CPXM2: variants seen among roughly 807,000 people sequenced by gnomAD.
CPXM2 encodes inactive carboxypeptidase-like protein X2.
A neutral mutation model predicts 86.1 loss-of-function variants in CPXM2; 66 were observed. The observed-to-expected ratio is 0.77, with a 90% CI of 0.63 to 0.94. The LOEUF (loss-of-function observed/expected upper bound fraction) is 0.94. Ranked by LOEUF, CPXM2 falls within the 40% of genes least tolerant of loss-of-function variation. The pLI is 0.00. For missense variants in CPXM2, 948 were observed against 1,026.3 expected (o/e 0.92, Z 1.04); for synonymous variants, 388 against 400.2 (o/e 0.97, Z 0.36).
intron 2 of CPXM2, among the ~76,000 whole-genome samples, chr10:123,878,397 G>A (rs1228539398): frequency 2.1e-5 from 3 of 145,172 alleles, no homozygotes; most frequent in Non-Finnish European, 4.5e-5. Flanking sequence ...GGCTGCCTAT[G>A]AGACCAGTGA....
intron 2 of CPXM2, chr10:123,931,685 A>G (rs1945667404): frequency 6.6e-6 from 1 of 152,256 alleles, no homozygotes. Flanking sequence ...GGTTGTGGTT[A>G]TCAAATCTTC....
At chr10:123,886,052 G>A (rs1042268924) in intron 1 of CPXM2, among the ~76,000 whole-genome samples, 1 of 152,210 alleles carries the variant, frequency 6.6e-6, no homozygotes, top group African/African-American at 2.4e-5. Context: ...AAGCATTTTG[G>A]AAATGGAGGT....
chr10:123,941,305 C>G (rs1324460052), upstream of CPXM2, among the ~76,000 whole-genome samples: 3 of 152,244 alleles, frequency 2.0e-5, no homozygotes, highest in Non-Finnish European at 2.9e-5. Context: ...AAGCATCCTT[C>G]TTTGCTTCTT....
At chr10:123,843,616 T>C (rs1848434654) in intron 3 of CPXM2, among the ~76,000 whole-genome samples, 1 of 152,152 alleles carries the variant, frequency 6.6e-6, no homozygotes, top group African/African-American at 2.4e-5. Context: ...CCAGCCCATC[T>C]TCCCTATCTC....
At chr10:123,902,026 C>T (rs922956301) in intron 2 of CPXM2, among the ~76,000 whole-genome samples, 1 of 152,214 alleles carries the variant, frequency 6.6e-6, no homozygotes, top group Non-Finnish European at 1.5e-5. Flanking sequence ...CTGAAGTAAC[C>T]ACTGTCGCAA....
At chr10:123,937,470 A>C (rs1056743359) in intron 2 of CPXM2, among the ~76,000 whole-genome samples, 7 of 132,584 alleles carry the variant, frequency 5.3e-5, no homozygotes, top group Non-Finnish European at 3.2e-5. Flanking sequence ...ACAACAAAAC[A>C]ACACACACAC....
chr10:123,888,830 G>A (rs1409379083), intron 1 of CPXM2, among the ~76,000 whole-genome samples: 7 of 152,220 alleles, frequency 4.6e-5, no homozygotes, highest in Admixed American at 4.6e-4. Flanking sequence ...ATGGTAGCAG[G>A]TCTGCAGGCA....
At chr10:123,868,865 T>C (rs1944843496) in intron 2 of CPXM2, among the ~76,000 whole-genome samples, 1 of 152,022 alleles carries the variant, frequency 6.6e-6, no homozygotes, top group African/African-American at 2.4e-5. Context: ...GCCAAAGAAC[T>C]CCAAAAGCAT....
chr10:123,879,481 A>G (rs1489620100), intron 2 of CPXM2, among the ~76,000 whole-genome samples: 1 of 152,204 alleles, frequency 6.6e-6, no homozygotes, highest in East Asian at 1.9e-4. Context: ...GATAATAATG[A>G]TAATAATAAT....
At chr10:123,758,134 C>T (rs2133980888) in intron 11 of CPXM2, among the ~76,000 whole-genome samples, 1 of 152,286 alleles carries the variant, frequency 6.6e-6, no homozygotes, top group Admixed American at 6.5e-5. Flanking sequence ...ATGACGACAG[C>T]AGGACAGGAA....
intron 4 of CPXM2, among the ~76,000 whole-genome samples, chr10:123,802,069 G>A (rs1847470932): frequency 6.6e-6 from 1 of 152,212 alleles, no homozygotes; most frequent in Non-Finnish European, 1.5e-5. Context: ...GGCACTTGGA[G>A]GACAGAAAGG....
intron 2 of CPXM2, among the ~76,000 whole-genome samples, chr10:123,924,360 G>T (rs1949433): frequency 0.76 from 115,251 of 152,192 alleles, 43,895 homozygotes; most frequent in East Asian, 0.94. Context: ...GGGTTCCCAT[G>T]ACCCTCTCCT....
At chr10:123,826,619 T>C (rs1379392604) in intron 4 of CPXM2, among the ~76,000 whole-genome samples, 2 of 152,130 alleles carry the variant, frequency 1.3e-5, no homozygotes, top group South Asian at 4.2e-4. Flanking sequence ...TATAAAATTA[T>C]AGTCATAATT....
intron 2 of CPXM2, among the ~76,000 whole-genome samples, chr10:123,905,733 G>T (rs1945433381): frequency 6.6e-6 from 1 of 152,046 alleles, no homozygotes; most frequent in African/African-American, 2.4e-5. Context: ...CATCCTGGGG[G>T]TCCCCTCCCA....
rs898232252 is a variant in CPXM2 at position 123,891,788 on chromosome 10, G to A, written c.-129C>T. On this transcript the variant is annotated 5_prime_UTR_variant, in exon 1 of 14. Transcript: ENST00000241305. The surrounding 1 kb of genome is among the most constrained non-coding windows in gnomAD (Gnocchi z 5.6). ...AGCGGCGCGCTTGGGCGCGGGAGGC[G>A]GCCGGCTGGCTGCGCGTGTGACCGG... 1.7e-5 allele frequency: 9 copies of A among 523,548 alleles called. No homozygotes were observed. The highest frequency in any genetic ancestry group is 2.1e-5 in the Non-Finnish European group (8 of 374,590). 32.4% of individuals were successfully genotyped at this position (523,548 alleles called of 1,614,324 possible).
At chr10:123,874,336 T>C (rs902750897) in intron 2 of CPXM2, among the ~76,000 whole-genome samples, 2 of 152,074 alleles carry the variant, frequency 1.3e-5, no homozygotes, top group Non-Finnish European at 2.9e-5. Context: ...ATCCCATTCA[T>C]GAGAATTCCA....
upstream of CPXM2, among the ~76,000 whole-genome samples, chr10:123,942,156 C>G (rs1216386131): frequency 6.6e-6 from 1 of 152,182 alleles, no homozygotes; most frequent in African/African-American, 2.4e-5. Context: ...TAGAATGCAA[C>G]TGCTATTGCT....
chr10:123,843,432 ATT>A (rs5788632), intron 3 of CPXM2, among the ~76,000 whole-genome samples: 3,726 of 126,288 alleles, frequency 0.03, 92 homozygotes, highest in African/African-American at 0.053. Context: ...TCACAGAGCT[ATT>A]TTTTTTTTTT....
intron 2 of CPXM2, among the ~76,000 whole-genome samples, chr10:123,871,488 A>C (rs1019872072): frequency 2.0e-5 from 3 of 152,222 alleles, no homozygotes; most frequent in African/African-American, 7.2e-5. Flanking sequence ...ACCCTCAAGC[A>C]CTTGCCTATT....
Sources: allele counts gnomAD v4.1 joint callset (sites outside exome capture counted in the v4.1 genomes callset), GRCh38; gene constraint gnomAD v4.1.1; non-coding constraint Gnocchi (gnomAD v3.1); transcripts MANE v1.5; gene names NCBI Gene and HGNC (gene_info 2026-07-23, HGNC 2026-07-21).